Variants in CRADD observed in about 807,000 individuals in gnomAD.
CRADD encodes the protein CARD and death domain containing adaptor protein, also known as death domain-containing protein CRADD.
Under a neutral mutation model 15.5 loss-of-function variants are expected in CRADD, and 9 were observed. The ratio of observed to expected loss-of-function variants is 0.58; its 90% CI spans 0.35 to 1.01. The LOEUF (loss-of-function observed/expected upper bound fraction) is 1.01, where lower values mean the gene tolerates loss of function less well. Among genes scored for constraint, CRADD ranks in the 50% least tolerant of loss-of-function variants. The pLI is 0.02. For synonymous variants in CRADD, 118 were observed against 107.6 expected (o/e 1.10, Z -0.60); for missense variants, 227 against 250.3 (o/e 0.91, Z 0.63).
chr12:93,750,559 A>G (rs1240093979), intron 2 of CRADD, among the ~76,000 whole-genome samples: 1 of 152,194 alleles, frequency 6.6e-6, no homozygotes, highest in East Asian at 1.9e-4. Flanking sequence ...ATTACATACA[A>G]AAAAACCTAC....
intron 2 of CRADD, among the ~76,000 whole-genome samples, chr12:93,872,718 GGT>G (rs2137067430): frequency 6.6e-6 from 1 of 152,112 alleles, no homozygotes; most frequent in African/African-American, 2.4e-5. Context: ...TTTCATCCTA[GGT>G]GTGTGTATTT....
chr12:93,745,176 T>C (rs1215171769), intron 2 of CRADD, among the ~76,000 whole-genome samples: 1 of 152,212 alleles, frequency 6.6e-6, no homozygotes, highest in African/African-American at 2.4e-5. Flanking sequence ...GAGGGCACAC[T>C]TGCTTATACG....
chr12:93,811,740 A>C (rs890505684), intron 2 of CRADD, among the ~76,000 whole-genome samples: 13 of 152,224 alleles, frequency 8.5e-5, no homozygotes, highest in Admixed American at 7.2e-4. Flanking sequence ...TTTCTTATAC[A>C]ACTAAACATA....
At position 93,834,575 on chromosome 12, in the gene CRADD, A is replaced by G. The variant is rs141956544; in HGVS notation, c.299-15395A>G. ...ACAATCTTAGCTCACCACAACCTCT[A>G]CCTCCCAGGTTCAAGTGATTCTCCT... On this transcript the variant is annotated intron_variant, in intron 2 of 2. Transcript: ENST00000332896. Among the ~76,000 whole-genome samples the G allele has an allele frequency of 3.2e-4, 48 of 152,034 alleles. 2 individuals are homozygous for G. Among genetic ancestry groups the G allele is most frequent in the African/African-American group, 1.1e-3 (46 of 41,474 alleles).
chr12:93,799,019 AG>A (rs1202098964), intron 2 of CRADD, among the ~76,000 whole-genome samples: 5 of 151,594 alleles, frequency 3.3e-5, no homozygotes, highest in African/African-American at 1.2e-4. Context: ...GAGTGGGGGA[AG>A]GGAGGAGAAG....
chr12:93,806,451 C>CAAAAAAAAAAAAAAAAAA (rs59372325), intron 2 of CRADD, among the ~76,000 whole-genome samples: 1 of 59,208 alleles, frequency 1.7e-5, no homozygotes, highest in Non-Finnish European at 3.5e-5. Context: ...GACTCCATCT[C>CAAAAAAAAAAAAAAAAAA]AAAAAAAAAA....
At chr12:93,753,658 G>A (rs970986437) in intron 2 of CRADD, among the ~76,000 whole-genome samples, 2 of 152,220 alleles carry the variant, frequency 1.3e-5, no homozygotes, top group African/African-American at 4.8e-5. Context: ...ATCCAGTAGG[G>A]CAGTAATTAA....
chr12:93,726,664 A>G lies in CRADD; in HGVS notation c.298+47592A>G, dbSNP rs140641698. On this transcript the variant is annotated intron_variant, in intron 2 of 2. Coordinates refer to ENST00000332896, the MANE Select transcript of CRADD (RefSeq NM_003805.5). ...ATACAATAATAACACTGAAGTATAA[A>G]GAACCACAATTTATTACTTTTTTCC... Among the ~76,000 whole-genome samples the G allele has an allele frequency of 4.6e-5, 7 of 152,332 alleles. No homozygotes were observed. In the East Asian group the frequency reaches 1.3e-3, roughly 29 times the overall value.
intron 2 of CRADD, among the ~76,000 whole-genome samples, chr12:93,722,488 T>C (rs1189156035): frequency 6.6e-6 from 1 of 152,064 alleles, no homozygotes; most frequent in East Asian, 1.9e-4. Context: ...TTAAACCTTG[T>C]ATACTTGTCC....
chr12:93,758,939 T>C (rs546843037), intron 2 of CRADD, among the ~76,000 whole-genome samples: 1 of 152,328 alleles, frequency 6.6e-6, no homozygotes, highest in East Asian at 1.9e-4. Context: ...GTAATCATTT[T>C]GCAGCCATTA....
chr12:93,883,107 A>G (rs1958514177), intron 2 of CRADD, among the ~76,000 whole-genome samples: 2 of 152,234 alleles, frequency 1.3e-5, no homozygotes, highest in Non-Finnish European at 2.9e-5. Context: ...AATTAGGCAT[A>G]TGGACAAAGG....
At chr12:93,869,352 G>A (rs1410226150) in intron 2 of CRADD, among the ~76,000 whole-genome samples, 3 of 152,048 alleles carry the variant, frequency 2.0e-5, no homozygotes, top group Admixed American at 2.0e-4. Flanking sequence ...ACATTGTCCA[G>A]CATACAATAA....
At chr12:93,800,981 T>G (rs539088212) in intron 2 of CRADD, among the ~76,000 whole-genome samples, 81 of 152,202 alleles carry the variant, frequency 5.3e-4, no homozygotes, top group Non-Finnish European at 9.4e-4. Context: ...TTAATACACT[T>G]TTCTGTTTGC....
intron 2 of CRADD, among the ~76,000 whole-genome samples, chr12:93,819,720 G>A (rs190422151): frequency 1.3e-5 from 2 of 152,266 alleles, no homozygotes; most frequent in South Asian, 2.1e-4. Flanking sequence ...CTTGGTGTGC[G>A]TAAGAGGGCA....
intron 2 of CRADD, among the ~76,000 whole-genome samples, chr12:93,685,101 C>T (rs1955401394): frequency 6.6e-6 from 1 of 152,168 alleles, no homozygotes; most frequent in Non-Finnish European, 1.5e-5. Flanking sequence ...AGGAGGTCCT[C>T]ATGCTTAAAG....
intron 2 of CRADD, chr12:93,738,237 G>C (rs572738419): frequency 8.0e-6 from 5 of 628,660 alleles, no homozygotes; most frequent in Non-Finnish European, 1.4e-5. Flanking sequence ...GAAGAATGGG[G>C]TGGGGAGCTG....
intron 2 of CRADD, among the ~76,000 whole-genome samples, chr12:93,753,155 A>G (rs941188209): frequency 1.3e-5 from 2 of 152,158 alleles, no homozygotes; most frequent in Non-Finnish European, 2.9e-5. Flanking sequence ...ACATGGTGGC[A>G]GGCGAGAGAG....
At chr12:93,720,941 C>G in intron 2 of CRADD, among the ~76,000 whole-genome samples, 1 of 152,060 alleles carries the variant, frequency 6.6e-6, no homozygotes, top group Non-Finnish European at 1.5e-5. Flanking sequence ...AGTTGGATAC[C>G]TACCATATTT....
chr12:93,783,182 C>T (rs930892168), intron 2 of CRADD, among the ~76,000 whole-genome samples: 3 of 150,898 alleles, frequency 2.0e-5, no homozygotes, highest in African/African-American at 7.3e-5. Context: ...ACATTTTCCC[C>T]CAGGGACTGT....
Sources: allele counts gnomAD v4.1 joint callset (sites outside exome capture counted in the v4.1 genomes callset), GRCh38; gene constraint gnomAD v4.1.1; transcripts MANE v1.5; gene names NCBI Gene and HGNC (gene_info 2026-07-23, HGNC 2026-07-21).